HPS4: variants seen among roughly 807,000 people sequenced by gnomAD.
The protein encoded by HPS4 is HPS4 biogenesis of lysosomal organelles complex 3 subunit 2, also known as BLOC-3 complex member HPS4.
In HPS4, 44 loss-of-function variants were observed where a neutral mutation model predicts 70.3. The ratio of observed to expected loss-of-function variants is 0.63; its 90% confidence interval spans 0.49 to 0.80. The LOEUF is 0.80. HPS4 is among the 30% of genes least tolerant of loss of function. HPS4 has a pLI of 0.00. For synonymous variants in HPS4, 377 were observed against 355.9 expected (o/e 1.06, Z -0.67); for missense variants, 873 against 884.4 (o/e 0.99, Z 0.16).
At chr22:26,472,075 G>A (rs904057260) in intron 6 of HPS4, among the ~76,000 whole-genome samples, 6 of 152,164 alleles carry the variant, frequency 3.9e-5, no homozygotes, top group Non-Finnish European at 8.8e-5. Flanking sequence ...TGTCATTTGA[G>A]GTACTGCTTC....
At chr22:26,444,561 C>G (rs550029172) in exon 4 of HPS4, 1 of 152,198 alleles carries the variant, frequency 6.6e-6, no homozygotes, top group Non-Finnish European at 1.5e-5. Context: ...ACTAGAGATG[C>G]CTTTTCTGAA....
At chr22:26,469,283 CA>C (rs5844704) in intron 7 of HPS4, among the ~76,000 whole-genome samples, 175 of 105,448 alleles carry the variant, frequency 1.7e-3, no homozygotes, top group Middle Eastern at 5.3e-3. Context: ...CCCATCTCTA[CA>C]AAAAAAAAAA....
chr22:26,465,733 G>T, intron 9 of HPS4, 182 bp from the exon 10 acceptor site: 1 of 615,778 alleles, frequency 1.6e-6, no homozygotes, highest in Non-Finnish European at 2.9e-6. Context: ...GCCCAGTAAG[G>T]AAAGAGTCCC....
At chr22:26,448,977 T>A (rs1420145418), downstream of HPS4, among the ~76,000 whole-genome samples, 1 of 152,166 alleles carries the variant, frequency 6.6e-6, no homozygotes, top group Non-Finnish European at 1.5e-5. Context: ...ACTGCCCTTT[T>A]CCCAGGAGCA....
At position 26,464,346 on chromosome 22, in the gene HPS4, G is replaced by C. The variant is rs1408215118; in HGVS notation, c.1284C>G (p.Pro428=). The C allele has an allele frequency of 6.2e-7, 1 of 1,614,158 alleles. No homozygotes were observed. Among genetic ancestry groups the C allele is most frequent in the Non-Finnish European group, 8.5e-7 (1 of 1,180,034 alleles). The change falls in exon 11 of 14, where the codon CCC becomes CCG. Residue 428 remains proline (P), a synonymous_variant. Coordinates refer to ENST00000398145, the MANE Select transcript of HPS4 (RefSeq NM_022081.6). The stretch of plus-strand genomic sequence containing the variant: ...GCTGGGTCAGCATCTCAGGAGCAGA[G>C]GGAGGGCGCAAGCTGCTGATGGCTG... The part of the protein sequence containing the change: ...EDTAISSLRP[P]SAPEMLTQHG...
At position 26,457,945 on chromosome 22, in the gene HPS4, G is replaced by A; in HGVS notation, c.1869C>T (p.Thr623=). ...LLMANLPQVA[T]PQDRRFLQAV... is the part of the protein sequence containing the mutation. Reference sequence around the variant, plus strand: ...CCTGGAGGAAGCGGCGATCCTGCGGGGTGGCCACCTGCGGCAGGTTTGCTT... The same window carrying A: ...CCTGGAGGAAGCGGCGATCCTGCGGAGTGGCCACCTGCGGCAGGTTTGCTT... The change falls in exon 13 of 14, where the codon ACC becomes ACT. Residue 623 remains threonine, a synonymous_variant. Transcript: ENST00000398145. 1.4e-5 allele frequency: 22 copies of A among 1,613,798 alleles called. No individual in the cohort carries two copies. The highest frequency in any genetic ancestry group is 1.9e-5 in the Non-Finnish European group (22 of 1,180,002).
chr22:26,472,736 T>G (rs545813320), intron 5 of HPS4, 96 bp downstream of exon 5: 56 of 953,322 alleles, frequency 5.9e-5, no homozygotes, highest in Admixed American at 5.4e-4. Flanking sequence ...TGTGTTTATA[T>G]GAAGTATACA....
downstream of HPS4, among the ~76,000 whole-genome samples, chr22:26,445,964 C>T (rs956995428): frequency 6.6e-6 from 1 of 152,202 alleles, no homozygotes; most frequent in Admixed American, 6.5e-5. Context: ...ATGTTTCCAC[C>T]TGCAAGCGAG....
chr22:26,465,716 C>A, intron 9 of HPS4, 165 bp from the exon 10 acceptor site: 1 of 631,854 alleles, frequency 1.6e-6, no homozygotes, highest in Non-Finnish European at 2.8e-6. Context: ...GCACCTCGAA[C>A]TCCTGGGCCC....
chr22:26,479,699 G>A (rs1200864155), intron 2 of HPS4: 1 of 1,112,098 alleles, frequency 9.0e-7, no homozygotes, highest in Non-Finnish European at 1.1e-6. Context: ...TGTCTTTTAA[G>A]GCTCTGATAA....
Position 26,453,018 on chromosome 22 carries a change from T to C in HPS4, c.*215A>G. The C allele has an allele frequency of 1.7e-6, 1 of 575,448 alleles. No homozygotes were observed. Among genetic ancestry groups the C allele is most frequent in the East Asian group, 3.0e-5 (1 of 33,320 alleles). The allele number at this position is 575,448 out of a possible 1,614,324, so 35.6% of individuals were successfully genotyped here. A position where few individuals can be genotyped will look rare whatever the true frequency, so the allele number is the denominator to read the frequency against. On this transcript the variant is annotated 3_prime_UTR_variant, in exon 14 of 14. Coordinates refer to ENST00000398145, the MANE Select transcript of HPS4 (RefSeq NM_022081.6). ...AACACTACCGATTAAATACAGTTCTTTATCAAGTGCTCTGGGTCTGCCGAC... is the reference window on the plus strand; with the variant it reads ...AACACTACCGATTAAATACAGTTCTCTATCAAGTGCTCTGGGTCTGCCGAC...
chr22:26,458,070 G>A (rs898931483), intron 12 of HPS4, 103 bp from the exon 13 acceptor site: 26 of 1,023,112 alleles, frequency 2.5e-5, no homozygotes, highest in Middle Eastern at 3.0e-4. Context: ...ACGGCTCAAG[G>A]CCATGAGTTG....
At chr22:26,454,819 C>T (rs372445234) in intron 13 of HPS4, among the ~76,000 whole-genome samples, 24 of 152,064 alleles carry the variant, frequency 1.6e-4, no homozygotes, top group African/African-American at 3.9e-4. Context: ...AGAAAATTTT[C>T]GCAACCTACT....
At chr22:26,463,743 A>C (rs980767514) in intron 11 of HPS4, among the ~76,000 whole-genome samples, 174 bp downstream of exon 11, 9 of 152,200 alleles carry the variant, frequency 5.9e-5, no homozygotes, top group Non-Finnish European at 1.2e-4. Flanking sequence ...CCCCACAAAA[A>C]CCCACAGAGG....
Position 26,466,245 on chromosome 22 carries a change from C to T in HPS4, c.687G>A (p.Glu229=), listed in dbSNP as rs758547221. Residue 229 remains glutamate (E), a synonymous_variant, in exon 9 of 14, where the codon GAG becomes GAA. Coordinates refer to ENST00000398145, the MANE Select transcript of HPS4 (RefSeq NM_022081.6). The part of the protein sequence containing the change: ...APQEQRLPTG[E]DAPQEHGAAL... ...ACTTACCATGTTCCTGCGGGGCATC[C>T]TCTCCCGTAGGGAGTCTCTGAAAAC... is the stretch of plus-strand genomic sequence containing the variant. The T allele has an allele frequency of 4.2e-5, 67 of 1,614,054 alleles. No individual in the cohort carries two copies. Among genetic ancestry groups the T allele is most frequent in the Non-Finnish European group, 5.4e-5 (64 of 1,180,014 alleles).
At chr22:26,462,021 G>A (rs952025239) in intron 11 of HPS4, among the ~76,000 whole-genome samples, 2 of 152,038 alleles carry the variant, frequency 1.3e-5, no homozygotes, top group African/African-American at 4.8e-5. Context: ...AGCTACTCAG[G>A]AGGTTGAGGT....
At chr22:26,445,447 CA>C in intron 3 of HPS4, among the ~76,000 whole-genome samples, 1 of 152,170 alleles carries the variant, frequency 6.6e-6, no homozygotes, top group Non-Finnish European at 1.5e-5. Flanking sequence ...GTGAATGAAG[CA>C]AAATGTCCCA....
At chr22:26,479,697 A>C in intron 2 of HPS4, 1 of 1,119,708 alleles carries the variant, frequency 8.9e-7, no homozygotes, top group Non-Finnish European at 1.1e-6. Flanking sequence ...GCTGTCTTTT[A>C]AGGCTCTGAT....
chr22:26,465,965 G>C, intron 9 of HPS4: 1 of 1,154,050 alleles, frequency 8.7e-7, no homozygotes, highest in Non-Finnish European at 1.2e-6. Context: ...CAATCTCCTG[G>C]CACTTGACCG....
Sources: allele counts gnomAD v4.1 joint callset (sites outside exome capture counted in the v4.1 genomes callset), GRCh38; gene constraint gnomAD v4.1.1; transcripts MANE v1.5; gene names NCBI Gene and HGNC (gene_info 2026-07-23, HGNC 2026-07-21).